NR6A1: variants seen among roughly 807,000 people sequenced by gnomAD.
NR6A1 encodes the protein retinoic acid receptor-related testis-associated receptor.
A neutral mutation model predicts 59.1 loss-of-function variants in NR6A1; 7 were observed. The observed-to-expected ratio is 0.12, with a 90% CI of 0.07 to 0.22. The LOEUF is 0.22. Ranked by LOEUF, NR6A1 falls within the 10% of genes least tolerant of loss-of-function variation. The probability of loss-of-function intolerance (pLI) is 1.00; values close to 1 mark genes in which losing one functional copy is unlikely to be tolerated. For synonymous variants in NR6A1, 243 were observed against 236.1 expected (o/e 1.03, Z -0.27); for missense variants, 468 against 611.6 (o/e 0.77, Z 2.48).
chr9:124,612,242 C>G (rs576803531), intron 2 of NR6A1, among the ~76,000 whole-genome samples: 1 of 152,118 alleles, frequency 6.6e-6, no homozygotes, highest in Admixed American at 6.5e-5. Flanking sequence ...TTCTCTTCTG[C>G]CCCTCACTCT....
chr9:124,575,248 C>T (rs60493311), intron 2 of NR6A1, among the ~76,000 whole-genome samples: 6,077 of 152,232 alleles, frequency 0.04, 353 homozygotes, highest in African/African-American at 0.12. Flanking sequence ...TGATTAAGAG[C>T]GTGGGCTGTG....
At chr9:124,629,126 T>C (rs1588721733) in intron 2 of NR6A1, among the ~76,000 whole-genome samples, 1 of 152,284 alleles carries the variant, frequency 6.6e-6, no homozygotes, top group East Asian at 1.9e-4. Flanking sequence ...ACATTCTTCC[T>C]GCCACAAGTG....
In NR6A1 at chr9:124,526,042, G is replaced by A. The variant is rs186231612; in HGVS notation, c.1201+737C>T. On this transcript the variant is annotated intron_variant, in intron 8 of 9. Transcript: ENST00000487099. Reference sequence around the variant, plus strand: ...TAGGGGTGAGTAGGCCAAGAGGAGAGGAGCTCTGGACTGGAAATGGGACAC... The same window carrying A: ...TAGGGGTGAGTAGGCCAAGAGGAGAAGAGCTCTGGACTGGAAATGGGACAC... 3.3e-5 allele frequency among the ~76,000 whole-genome samples: 5 copies of A among 152,314 alleles called. 1 individual carries two copies. Among genetic ancestry groups the A allele is most frequent in the Non-Finnish European group, 7.3e-5 (5 of 68,030 alleles).
rs769279939 is a variant in NR6A1, at chr9:124,610,732, G to A, written c.143-56162C>T. ...TCAGCTGTAAATCCGTCTGGTCCTC[G>A]GCTTTTTTTGGTTGGAAGGCTATTT... On this transcript the variant is annotated intron_variant, in intron 2 of 9. Coordinates refer to ENST00000487099, the MANE Select transcript of NR6A1 (RefSeq NM_033334.4). Among the ~76,000 whole-genome samples the A allele has an allele frequency of 3.9e-5, 6 of 152,022 alleles. No individual in the cohort carries two copies. The East Asian group carries it at 5.8e-4, about 15-fold the overall frequency.
At chr9:124,751,106 A>G (rs1456806975) in intron 1 of NR6A1, among the ~76,000 whole-genome samples, 1 of 152,146 alleles carries the variant, frequency 6.6e-6, no homozygotes, top group Non-Finnish European at 1.5e-5. Flanking sequence ...TACTCTCCTT[A>G]TAAGGTTGCT....
At chr9:124,575,819 C>T (rs1459449745) in intron 2 of NR6A1, among the ~76,000 whole-genome samples, 1 of 152,110 alleles carries the variant, frequency 6.6e-6, no homozygotes, top group Non-Finnish European at 1.5e-5. Context: ...AATGCTCAAA[C>T]ATGTGAGCTA....
intron 2 of NR6A1, among the ~76,000 whole-genome samples, chr9:124,667,128 T>C (rs1837648749): frequency 6.6e-6 from 1 of 151,584 alleles, no homozygotes; most frequent in Non-Finnish European, 1.5e-5. Context: ...CTCTGCCTCC[T>C]GGGTTCAAGC....
chr9:124,708,249 TG>T (rs1839188567), intron 2 of NR6A1, among the ~76,000 whole-genome samples: 1 of 152,158 alleles, frequency 6.6e-6, no homozygotes, highest in African/African-American at 2.4e-5. Flanking sequence ...AGCTCCCTCC[TG>T]CAGCAGTCAT....
At chr9:124,705,142 T>C (rs1477261193) in intron 2 of NR6A1, among the ~76,000 whole-genome samples, 1 of 152,238 alleles carries the variant, frequency 6.6e-6, no homozygotes, top group Non-Finnish European at 1.5e-5. Flanking sequence ...TTGTTATGAA[T>C]CTCTAATTTA....
At chr9:124,630,915 C>T (rs542452932) in intron 2 of NR6A1, among the ~76,000 whole-genome samples, 1 of 152,006 alleles carries the variant, frequency 6.6e-6, no homozygotes, top group African/African-American at 2.4e-5. Flanking sequence ...TCAGGTGATC[C>T]ACCTGCCTTG....
chr9:124,671,366 G>A (rs1837790027), intron 2 of NR6A1, among the ~76,000 whole-genome samples: 3 of 152,142 alleles, frequency 2.0e-5, no homozygotes, highest in Admixed American at 1.3e-4. Flanking sequence ...TTCCTGAGCT[G>A]TAAAATGAGT....
At chr9:124,639,335 A>G (rs1836706091) in intron 2 of NR6A1, among the ~76,000 whole-genome samples, 1 of 152,224 alleles carries the variant, frequency 6.6e-6, no homozygotes, top group African/African-American at 2.4e-5. Flanking sequence ...ACGTTTACTG[A>G]GCACTCACAG....
At position 124,522,801 on chromosome 9, in the gene NR6A1, C is replaced by G; in HGVS notation, c.1355-8G>C. 6.3e-7 allele frequency: 1 copy of G among 1,575,362 alleles called. No individual in the cohort carries two copies. The highest frequency in any genetic ancestry group is 1.7e-4 in the Middle Eastern group (1 of 6,016). On this transcript the variant is annotated splice_region_variant and splice_polypyrimidine_tract_variant and intron_variant, in intron 9 of 9. Transcript: ENST00000487099. ...GCACATTCACCATCTTTCCTGGGAA[C>G]AAGGGGGGAGAAGAAGAGTTAGCAG...
At chr9:124,745,000 A>G (rs1840284308) in intron 1 of NR6A1, among the ~76,000 whole-genome samples, 2 of 152,220 alleles carry the variant, frequency 1.3e-5, no homozygotes, top group South Asian at 4.1e-4. Flanking sequence ...AGGGCCTAGA[A>G]AATGTTTATC....
At chr9:124,637,207 T>G (rs571684611) in intron 2 of NR6A1, among the ~76,000 whole-genome samples, 3 of 152,296 alleles carry the variant, frequency 2.0e-5, no homozygotes, top group Non-Finnish European at 2.9e-5. Flanking sequence ...CACAGTAGCA[T>G]GTACAAAGAC....
intron 2 of NR6A1, among the ~76,000 whole-genome samples, chr9:124,668,119 A>G (rs1837681192): frequency 6.6e-6 from 1 of 152,210 alleles, no homozygotes; most frequent in African/African-American, 2.4e-5. Flanking sequence ...TGGTTAATAC[A>G]TATTTTATAT....
chr9:124,673,520 G>A (rs1283574458), intron 2 of NR6A1, among the ~76,000 whole-genome samples: 10 of 152,128 alleles, frequency 6.6e-5, no homozygotes, highest in Admixed American at 6.5e-5. Context: ...GGTGGCATGT[G>A]CCTGCAGTCC....
intron 2 of NR6A1, among the ~76,000 whole-genome samples, chr9:124,723,247 T>A (rs1263039586): frequency 6.6e-6 from 1 of 152,182 alleles, no homozygotes; most frequent in African/African-American, 2.4e-5. Context: ...TGTAAGACCT[T>A]GCTATTGACC....
intron 5 of NR6A1, among the ~76,000 whole-genome samples, chr9:124,539,018 G>A (rs1029653234): frequency 6.6e-6 from 1 of 151,610 alleles, no homozygotes; most frequent in African/African-American, 2.4e-5. Context: ...GACAAGCCTG[G>A]GCAACATAGC....
Sources: allele counts gnomAD v4.1 joint callset (sites outside exome capture counted in the v4.1 genomes callset), GRCh38; gene constraint gnomAD v4.1.1; transcripts MANE v1.5; gene names NCBI Gene and HGNC (gene_info 2026-07-23, HGNC 2026-07-21).